The following SULF1 variants were observed in gnomAD, a reference collection of about 807,000 sequenced individuals.
SULF1 encodes extracellular sulfatase Sulf-1.
SULF1 carries 46 observed loss-of-function variants against 110.5 expected under a neutral mutation model. The observed-to-expected ratio is 0.42, with a 90% CI of 0.33 to 0.53. The LOEUF is 0.53. Ranked by LOEUF, SULF1 falls within the 20% of genes least tolerant of loss-of-function variation. The probability of loss-of-function intolerance (pLI) is 0.12; values close to 1 mark genes in which losing one functional copy is unlikely to be tolerated. For missense variants in SULF1, 941 were observed against 1,094.2 expected (o/e 0.86, Z 1.98); for synonymous variants, 371 against 387.1 (o/e 0.96, Z 0.49).
At chr8:69,594,787 A>G (rs758789581) in intron 8 of SULF1, among the ~76,000 whole-genome samples, 1 of 151,304 alleles carries the variant, frequency 6.6e-6, no homozygotes, top group Non-Finnish European at 1.5e-5. Context: ...CTCTGGGTGG[A>G]TCATTTACTA....
At chr8:69,636,022 G>A (rs188942500) in intron 19 of SULF1, among the ~76,000 whole-genome samples, 2 of 152,128 alleles carry the variant, frequency 1.3e-5, no homozygotes, top group Non-Finnish European at 2.9e-5. Context: ...TCAAGAGGTA[G>A]CTTTGGGGAT....
At chr8:69,643,414 T>TA (rs77783841) in intron 22 of SULF1, among the ~76,000 whole-genome samples, 14,156 of 130,886 alleles carry the variant, frequency 0.11, 734 homozygotes, top group South Asian at 0.28. Context: ...TTTAGAAAAC[T>TA]AAAAAAAAAA....
rs116200427 is a variant in SULF1 at position 69,567,524 on chromosome 8, T to G, written c.172+3377T>G. ...CTCCCTCAATCCTGGCAACTATCAT[T>G]CTACTTTCTGTCTCTGTGGATTTGA... On this transcript the variant is annotated intron_variant, in intron 5 of 22. Transcript: ENST00000402687. Among the ~76,000 whole-genome samples, 1,445 of 152,256 alleles carry G rather than the reference T, an allele frequency of 9.5e-3. 20 individuals carry two copies. The highest frequency in any genetic ancestry group is 0.033 in the African/African-American group (1,382 of 41,536).
chr8:69,618,485 A>G (rs1163392306), intron 13 of SULF1, among the ~76,000 whole-genome samples: 4 of 152,190 alleles, frequency 2.6e-5, no homozygotes, highest in Non-Finnish European at 5.9e-5. Context: ...GCTAAATGGA[A>G]ATACTACATT....
intron 3 of SULF1, among the ~76,000 whole-genome samples, chr8:69,520,720 G>A (rs576352718): frequency 6.6e-6 from 1 of 152,088 alleles, no homozygotes; most frequent in Admixed American, 6.5e-5. Flanking sequence ...AAAGCCTTAG[G>A]TTCCACCTGG....
chr8:69,604,032 A>G (rs902199404), intron 12 of SULF1, among the ~76,000 whole-genome samples: 1 of 152,256 alleles, frequency 6.6e-6, no homozygotes, highest in Non-Finnish European at 1.5e-5. Flanking sequence ...TATCCCAATT[A>G]TCTTGATTTG....
At chr8:69,580,547 G>T (rs1278657326) in intron 6 of SULF1, among the ~76,000 whole-genome samples, 2 of 152,140 alleles carry the variant, frequency 1.3e-5, no homozygotes, top group Non-Finnish European at 1.5e-5. Context: ...GGCCTAGAAT[G>T]ATTCCTAAGT....
chr8:69,518,688 A>G (rs1007236568), intron 3 of SULF1, among the ~76,000 whole-genome samples: 1 of 152,166 alleles, frequency 6.6e-6, no homozygotes, highest in Non-Finnish European at 1.5e-5. Context: ...GTGTGTTCAC[A>G]TAAATGCCTC....
chr8:69,530,338 C>T (rs1261206106), intron 3 of SULF1, among the ~76,000 whole-genome samples: 2 of 152,234 alleles, frequency 1.3e-5, no homozygotes, highest in Non-Finnish European at 2.9e-5. Context: ...TTTTTAGATG[C>T]CTACTGATGG....
chr8:69,533,849 C>T (rs1813265334), intron 3 of SULF1, among the ~76,000 whole-genome samples: 1 of 152,070 alleles, frequency 6.6e-6, no homozygotes, highest in Non-Finnish European at 1.5e-5. Flanking sequence ...TTTTTTACCT[C>T]CGATCTGTCT....
At chr8:69,582,403 G>T (rs1404763970) in intron 6 of SULF1, among the ~76,000 whole-genome samples, 1 of 152,194 alleles carries the variant, frequency 6.6e-6, no homozygotes. Context: ...TAATGGTGAT[G>T]CTAATAACAA....
At chr8:69,494,273 G>A (rs191687003) in intron 1 of SULF1, among the ~76,000 whole-genome samples, 13 of 152,288 alleles carry the variant, frequency 8.5e-5, no homozygotes, top group Non-Finnish European at 1.5e-4. Flanking sequence ...GTGTGTATAT[G>A]TGTCTTTATC....
chr8:69,549,711 G>A (rs940988947), intron 3 of SULF1, among the ~76,000 whole-genome samples: 3 of 152,178 alleles, frequency 2.0e-5, no homozygotes, highest in Non-Finnish European at 2.9e-5. Context: ...CTCGGAGCCT[G>A]AGAATGACTG....
intron 3 of SULF1, among the ~76,000 whole-genome samples, chr8:69,538,350 A>C (rs150466660): frequency 1.4e-5 from 2 of 147,418 alleles, no homozygotes; most frequent in African/African-American, 5.0e-5. Context: ...CAATGCCATG[A>C]ACATTAAACC....
chr8:69,500,388 G>A (rs1810709410), intron 2 of SULF1, among the ~76,000 whole-genome samples: 1 of 152,156 alleles, frequency 6.6e-6, no homozygotes, highest in Non-Finnish European at 1.5e-5. Flanking sequence ...AGGCCACATA[G>A]CCAGTGAATG....
At chr8:69,469,097 C>T (rs1476840081) in intron 1 of SULF1, among the ~76,000 whole-genome samples, 3 of 152,222 alleles carry the variant, frequency 2.0e-5, no homozygotes, top group East Asian at 1.9e-4. Flanking sequence ...GAAGTTACTT[C>T]GTGAACTGAA....
At chr8:69,542,541 A>T (rs894017130) in intron 3 of SULF1, among the ~76,000 whole-genome samples, 1 of 152,040 alleles carries the variant, frequency 6.6e-6, no homozygotes, top group African/African-American at 2.4e-5. Flanking sequence ...ACCCCCGAGA[A>T]ATGGGGATAC....
At chr8:69,603,449 C>T in intron 11 of SULF1, 129 bp downstream of exon 11, 1 of 1,448,088 alleles carries the variant, frequency 6.9e-7, no homozygotes, top group Non-Finnish European at 9.6e-7. Context: ...CCAAGCTGAG[C>T]ATTTCTCAGC....
chr8:69,567,017 C>T (rs1007493674), intron 5 of SULF1, among the ~76,000 whole-genome samples: 47 of 152,196 alleles, frequency 3.1e-4, no homozygotes, highest in African/African-American at 1.1e-3. Context: ...TGAGTCTCCA[C>T]AGCTACGTAT....
Sources: gnomAD v4.1 joint callset for allele counts (sites outside exome capture counted in the v4.1 genomes callset) on GRCh38, gnomAD v4.1.1 for gene constraint, MANE v1.5 for transcripts, NCBI Gene and HGNC (gene_info 2026-07-23, HGNC 2026-07-21) for gene names.